The following SLC12A3 variants were observed in gnomAD, a reference collection of about 807,000 sequenced individuals.
SLC12A3 encodes solute carrier family 12 member 3.
In SLC12A3, 104 loss-of-function variants were observed where a neutral mutation model predicts 121.0. The observed-to-expected ratio is 0.86, with a 90% CI of 0.73 to 1.01. The LOEUF (loss-of-function observed/expected upper bound fraction) is 1.01. Among genes scored for constraint, SLC12A3 ranks in the 50% least tolerant of loss-of-function variants. The pLI is 0.00. For missense variants in SLC12A3, 1,328 were observed against 1,356.3 expected (o/e 0.98, Z 0.33); for synonymous variants, 536 against 533.4 (o/e 1.00, Z -0.07).
chr16:56,879,715 C>A, intron 11 of SLC12A3, 66 bp downstream of exon 11: 2 of 1,219,920 alleles, frequency 1.6e-6, no homozygotes, highest in Non-Finnish European at 2.4e-6. Context: ...CACAATAGGG[C>A]GGGTCCCTGG....
intron 8 of SLC12A3, 36 bp from the exon 9 acceptor site, chr16:56,878,041 T>TCTCTCCCCCCCCC: frequency 5.1e-6 from 2 of 393,162 alleles, no homozygotes; most frequent in South Asian, 2.1e-5. Flanking sequence ...CCTCTCTCCC[T>TCTCTCCCCCCCCC]CCCTCCCTCC....
chr16:56,881,450 G>A (rs183733392), intron 12 of SLC12A3, among the ~76,000 whole-genome samples: 4 of 152,094 alleles, frequency 2.6e-5, no homozygotes, highest in East Asian at 3.9e-4. Context: ...CATCTGGGGG[G>A]GGGTCTGACT....
rs2055279836 is a variant in SLC12A3 at position 56,884,186 on chromosome 16, G to A, written c.1807G>A (p.Val603Ile). 2 of 1,613,986 alleles carry A rather than the reference G, an allele frequency of 1.2e-6. No individual in the cohort carries two copies. Among genetic ancestry groups the A allele is most frequent in the Non-Finnish European group, 1.7e-6 (2 of 1,179,996 alleles). ...CGTGGTGCTCTTCCTCCTGCTCTAT[G>A]TCATCTACAAGAAGCCAGGTGCGCA... ...IGVVLFLLLY[V>I]IYKKPEVNWG... The change falls in exon 14 of 26, where the codon GTC becomes ATC. Residue 603 changes from valine (V) to isoleucine (I), a missense_variant. By Grantham distance (29) the Val-to-Ile change is conservative (BLOSUM62 3). Coordinates refer to ENST00000563236, the MANE Select transcript of SLC12A3 (RefSeq NM_001126108.2).
chr16:56,872,340 G>A lies in SLC12A3; in HGVS notation c.853-11G>A, dbSNP rs1259426558. On this transcript the variant is annotated splice_polypyrimidine_tract_variant and intron_variant, in intron 6 of 25. Coordinates refer to ENST00000563236, the MANE Select transcript of SLC12A3 (RefSeq NM_001126108.2). ...AACTATCTGACCTCTGGGGTCCTTC[G>A]CCCCCTCCAGGCCCAGGTGCTGTTC... 7.5e-6 allele frequency: 12 copies of A among 1,602,846 alleles called. No homozygotes were observed. The highest frequency in any genetic ancestry group is 6.7e-5 in the East Asian group (3 of 44,838).
intron 12 of SLC12A3, among the ~76,000 whole-genome samples, chr16:56,881,551 G>C (rs1372849067): frequency 6.6e-6 from 1 of 152,096 alleles, no homozygotes; most frequent in Non-Finnish European, 1.5e-5. Flanking sequence ...CTGGCACATT[G>C]GTGCACGTCG....
At chr16:56,910,242 C>T (rs547012805) in intron 25 of SLC12A3, among the ~76,000 whole-genome samples, 25 of 151,876 alleles carry the variant, frequency 1.6e-4, no homozygotes, top group African/African-American at 5.3e-4. Context: ...GGCAGGATCT[C>T]GGCTCACGGC....
In SLC12A3 at chr16:56,872,354, C is replaced by T; in HGVS notation, c.856C>T (p.Gln286Ter). 1 of 1,612,996 alleles carries T rather than the reference C, an allele frequency of 6.2e-7. No individual in the cohort carries two copies. The highest frequency in any genetic ancestry group is 8.5e-7 in the Non-Finnish European group (1 of 1,179,144). Reference protein sequence around the residue: ...LAGMEWESKAQVLFFLVIMVS... With the variant: ...LAGMEWESKA ...TGGGGTCCTTCGCCCCCTCCAGGCCCAGGTGCTGTTCTTCCTTGTCATCAT... is the reference window on the plus strand; with the variant it reads ...TGGGGTCCTTCGCCCCCTCCAGGCCTAGGTGCTGTTCTTCCTTGTCATCAT... The change falls in exon 7 of 26, where the codon CAG becomes TAG. Residue 286 changes from glutamine (Q) to a stop codon, truncating the protein, a stop_gained. Transcript: ENST00000563236. LOFTEE classifies it high-confidence loss of function.
At chr16:56,895,299 C>G (rs1184997989) in intron 22 of SLC12A3, among the ~76,000 whole-genome samples, 2 of 147,394 alleles carry the variant, frequency 1.4e-5, no homozygotes, top group Non-Finnish European at 3.0e-5. Flanking sequence ...TCAAGCAATT[C>G]TCCTGCCTCA....
chr16:56,869,871 A>T (rs1409405956), intron 4 of SLC12A3, 47 bp downstream of exon 4: 2 of 1,542,524 alleles, frequency 1.3e-6, no homozygotes, highest in Admixed American at 3.4e-5. Context: ...GTGGGCTCCT[A>T]ATCCTGGGAA....
At chr16:56,887,796 A>ATTT (rs1425496968) in intron 17 of SLC12A3, 129 bp from the exon 18 acceptor site, 30 of 87,130 alleles carry the variant, frequency 3.4e-4, no homozygotes, top group Non-Finnish European at 5.2e-4. Flanking sequence ...ATATATATAT[A>ATTT]TATTTTTTTT....
At position 56,885,412 on chromosome 16, in the gene SLC12A3, G is replaced by C. The variant is rs1263918809; in HGVS notation, c.1925+48G>C. 3.2e-6 allele frequency: 4 copies of C among 1,234,092 alleles called. No homozygotes were observed. The Admixed American group carries it at 5.9e-5, about 18-fold the overall frequency. The allele number at this position is 1,234,092 out of a possible 1,614,324, so 76.4% of individuals were successfully genotyped here. ...ACCTGGGACCCCAGGGCCAGTGATG[G>C]CTCCACCCTGGGAGTTTCCAAGCCT... On this transcript the variant is annotated intron_variant, in intron 15 of 25. Transcript: ENST00000563236.
intron 14 of SLC12A3, 87 bp from the exon 15 acceptor site, chr16:56,885,178 G>A (rs1382350019): frequency 1.7e-5 from 15 of 891,674 alleles, no homozygotes; most frequent in East Asian, 1.1e-4. Flanking sequence ...AGAGAAGGCC[G>A]ACATTACCTC....
chr16:56,869,279 G>C (rs577235965), intron 3 of SLC12A3, among the ~76,000 whole-genome samples: 2 of 152,164 alleles, frequency 1.3e-5, no homozygotes, highest in South Asian at 2.1e-4. Context: ...TCCAATAAAT[G>C]CTGGCTCAAG....
intron 6 of SLC12A3, among the ~76,000 whole-genome samples, chr16:56,871,623 G>A (rs1418628892): frequency 2.0e-5 from 3 of 152,146 alleles, no homozygotes; most frequent in Non-Finnish European, 4.4e-5. Flanking sequence ...CCCACTTAAG[G>A]TGTCTGCTAA....
At position 56,913,711 on chromosome 16, in the gene SLC12A3, T is replaced by G. The variant is rs2144794278; in HGVS notation, c.*306T>G. ...ATTTTGATGACCATTAATTAAGAGT[T>G]CAGTCTTTGATTTGTATGCAAATTG... On this transcript the variant is annotated 3_prime_UTR_variant, in exon 26 of 26. Coordinates refer to ENST00000563236, the MANE Select transcript of SLC12A3 (RefSeq NM_001126108.2). The G allele has an allele frequency of 2.5e-6, 1 of 405,330 alleles. No homozygotes were observed. 25.1% of individuals were successfully genotyped at this position (405,330 alleles called of 1,614,324 possible).
chr16:56,872,839 G>T lies in SLC12A3; in HGVS notation c.1095+53G>T, dbSNP rs1218532763. On this transcript the variant is annotated intron_variant, in intron 8 of 25. Transcript: ENST00000563236. The stretch of plus-strand genomic sequence containing the variant: ...TCCTGGCACTGCACAGGGGCTATGA[G>T]CAGAATCCTGCCCCCTGCTCTAGTG... 3.7e-6 allele frequency: 6 copies of T among 1,610,138 alleles called. No homozygotes were observed. The Admixed American group carries it at 6.7e-5, about 18-fold the overall frequency.
intron 22 of SLC12A3, among the ~76,000 whole-genome samples, chr16:56,897,644 GTC>G (rs1170844940): frequency 7.2e-5 from 11 of 152,232 alleles, no homozygotes; most frequent in African/African-American, 2.4e-4. Context: ...TTGCTCTGCA[GTC>G]TCTGCTCCCT....
At position 56,899,404 on chromosome 16, in the gene SLC12A3, G is replaced by A; in HGVS notation, c.2634-126G>A. Reference sequence around the variant, plus strand: ...CTCGGGAGGCTGGGGCATGAGAATTGCTTGAACCTGGGAGGCAGAGGTTGC... The same window carrying A: ...CTCGGGAGGCTGGGGCATGAGAATTACTTGAACCTGGGAGGCAGAGGTTGC... On this transcript the variant is annotated intron_variant, in intron 22 of 25. Coordinates refer to ENST00000563236, the MANE Select transcript of SLC12A3 (RefSeq NM_001126108.2). 12 of 753,506 alleles carry A rather than the reference G, an allele frequency of 1.6e-5. 1 individual carries two copies. Among genetic ancestry groups the A allele is most frequent in the Middle Eastern group, 2.3e-4 (1 of 4,314 alleles). The allele number at this position is 753,506 out of a possible 1,614,324, so 46.7% of individuals were successfully genotyped here.
chr16:56,869,995 C>G lies in SLC12A3; in HGVS notation c.602-101C>G, dbSNP rs1407273261. The G allele has an allele frequency of 7.4e-6, 11 of 1,495,992 alleles. No homozygotes were observed. In the Admixed American group the frequency reaches 1.2e-4, roughly 16 times the overall value. The allele number at this position is 1,495,992 out of a possible 1,614,324, so 92.7% of individuals were successfully genotyped here. On this transcript the variant is annotated intron_variant, in intron 4 of 25. Transcript: ENST00000563236. Reference sequence around the variant, plus strand: ...AGATGGCCTCAGCTATCTCCTGCCCCGTGGGTCCTGTGGCCACCCTCTCCT... The same window carrying G: ...AGATGGCCTCAGCTATCTCCTGCCCGGTGGGTCCTGTGGCCACCCTCTCCT...
Sources: allele counts gnomAD v4.1 joint callset (sites outside exome capture counted in the v4.1 genomes callset), GRCh38; gene constraint gnomAD v4.1.1; transcripts MANE v1.5; gene names NCBI Gene and HGNC (gene_info 2026-07-23, HGNC 2026-07-21).